The following ZC3H12B variants were observed in gnomAD, a reference collection of about 807,000 sequenced individuals.
ZC3H12B encodes the protein zinc finger CCCH-type containing 12B, also known as probable ribonuclease ZC3H12B.
A neutral mutation model predicts 43.9 loss-of-function variants in ZC3H12B; 7 were observed. The ratio of observed to expected loss-of-function variants is 0.16; its 90% confidence interval spans 0.09 to 0.30. The LOEUF (loss-of-function observed/expected upper bound fraction) is 0.30. Among genes scored for constraint, ZC3H12B ranks in the 10% least tolerant of loss-of-function variants. The pLI is 1.00. For missense variants in ZC3H12B, 475 were observed against 670.2 expected (o/e 0.71, Z 3.22); for synonymous variants, 222 against 241.7 (o/e 0.92, Z 0.76).
chrX:65,387,648 T>A (rs2066547909), intron 2 of ZC3H12B, among the ~76,000 whole-genome samples: 1 of 111,965 alleles, frequency 8.9e-6, no homozygotes, highest in Non-Finnish European at 1.9e-5. Context: ...ACATTTATGG[T>A]TAATATTGTT....
chrX:65,098,101 T>A, the ZC3H12B span, among the ~76,000 whole-genome samples: 1 of 111,235 alleles, frequency 9.0e-6, no homozygotes, highest in Middle Eastern at 4.6e-3. Flanking sequence ...AATGCCTTTC[T>A]TAAACTAACT....
At chrX:65,266,416 C>G in the ZC3H12B span, among the ~76,000 whole-genome samples, 3 of 112,062 alleles carry the variant, frequency 2.7e-5, no homozygotes, top group South Asian at 1.1e-3. Context: ...GGGCTGACAT[C>G]ACTGGAAATA....
intron 2 of ZC3H12B, among the ~76,000 whole-genome samples, chrX:65,379,635 G>A (rs2066406445): frequency 8.9e-6 from 1 of 112,529 alleles, no homozygotes; most frequent in African/African-American, 3.2e-5. Context: ...GAGAGAAGAA[G>A]GCTTCAGATG....
intron 2 of ZC3H12B, among the ~76,000 whole-genome samples, chrX:65,388,508 T>C (rs2066563414): frequency 8.9e-6 from 1 of 112,117 alleles, no homozygotes; most frequent in African/African-American, 3.2e-5. Flanking sequence ...CTTTAAGGAC[T>C]TCTCTGCATT....
chrX:65,283,372 G>A, the ZC3H12B span, among the ~76,000 whole-genome samples: 1 of 111,681 alleles, frequency 9.0e-6, no homozygotes, highest in Non-Finnish European at 1.9e-5. Context: ...TTATCATACT[G>A]AATGGGCAAA....
chrX:65,354,311 AG>A, the ZC3H12B span, among the ~76,000 whole-genome samples: 1 of 112,174 alleles, frequency 8.9e-6, no homozygotes, highest in African/African-American at 3.2e-5. Flanking sequence ...GGTGATACCC[AG>A]GCAAACAGTC....
At chrX:65,360,117 G>A in the ZC3H12B span, among the ~76,000 whole-genome samples, 7 of 112,079 alleles carry the variant, frequency 6.2e-5, no homozygotes, top group Non-Finnish European at 1.3e-4. Context: ...GCATTTTTTA[G>A]ACATAATGCT....
At chrX:65,468,437 G>A (rs1389833379) in intron 3 of ZC3H12B, among the ~76,000 whole-genome samples, 1 of 108,398 alleles carries the variant, frequency 9.2e-6, no homozygotes, top group African/African-American at 3.3e-5. Context: ...GACTATTCGG[G>A]TTTGTTTTTG....
chrX:65,092,943 A>T, the ZC3H12B span, among the ~76,000 whole-genome samples: 126 of 111,914 alleles, frequency 1.1e-3, no homozygotes, highest in African/African-American at 4.0e-3. Context: ...CCTTTGTGGC[A>T]GCCCCTTCCT....
At chrX:65,123,639 A>G in the ZC3H12B span, among the ~76,000 whole-genome samples, 1 of 109,391 alleles carries the variant, frequency 9.1e-6, no homozygotes, top group South Asian at 3.9e-4. Flanking sequence ...TTGTTTTGTC[A>G]TCTATGATTT....
At chrX:65,131,397 A>C in the ZC3H12B span, among the ~76,000 whole-genome samples, 4 of 111,523 alleles carry the variant, frequency 3.6e-5, no homozygotes, top group Non-Finnish European at 7.5e-5. Flanking sequence ...AGTAAGGTTA[A>C]GTTGTTTGGA....
At chrX:65,326,032 A>T in the ZC3H12B span, among the ~76,000 whole-genome samples, 9,248 of 111,595 alleles carry the variant, frequency 0.083, 1,026 homozygotes, top group African/African-American at 0.29. Context: ...CCCTTGTCTG[A>T]CACATTATAA....
intron 3 of ZC3H12B, among the ~76,000 whole-genome samples, chrX:65,482,255 G>T (rs932568058): frequency 1.9e-4 from 21 of 110,474 alleles, no homozygotes; most frequent in Non-Finnish European, 3.8e-4. Context: ...TTTTGACTAA[G>T]GGTCTCGGGA....
chrX:65,382,729 TA>T (rs1336401620), intron 2 of ZC3H12B, among the ~76,000 whole-genome samples: 1 of 111,803 alleles, frequency 8.9e-6, no homozygotes, highest in African/African-American at 3.3e-5. Context: ...AAAATCTCCT[TA>T]AGCTGATAAG....
the ZC3H12B span, among the ~76,000 whole-genome samples, chrX:65,226,269 C>T: frequency 1.5e-3 from 171 of 111,329 alleles, no homozygotes; most frequent in Non-Finnish European, 8.5e-4. Context: ...TCCAGCCAAA[C>T]TAAGCTTCAT....
intron 2 of ZC3H12B, among the ~76,000 whole-genome samples, chrX:65,392,903 A>G: frequency 8.9e-6 from 1 of 112,854 alleles, no homozygotes; most frequent in Non-Finnish European, 1.9e-5. Flanking sequence ...TGTACTAAGA[A>G]AAATTCTTCT....
chrX:65,256,319 CTG>C, the ZC3H12B span, among the ~76,000 whole-genome samples: 1 of 111,950 alleles, frequency 8.9e-6, no homozygotes, highest in African/African-American at 3.2e-5. Flanking sequence ...AAATACAAAA[CTG>C]TAATTATACC....
At chrX:65,249,973 A>G in the ZC3H12B span, among the ~76,000 whole-genome samples, 1 of 110,454 alleles carries the variant, frequency 9.1e-6, no homozygotes, top group South Asian at 3.9e-4. Context: ...GTTCTAGGGT[A>G]CATGTGCACA....
chrX:65,142,776 G>A, the ZC3H12B span, among the ~76,000 whole-genome samples: 37 of 112,353 alleles, frequency 3.3e-4, no homozygotes, highest in Middle Eastern at 4.7e-3. Context: ...CCACTTGGGT[G>A]TTTGTTCACT....
Sources: allele counts gnomAD v4.1 joint callset (sites outside exome capture counted in the v4.1 genomes callset), GRCh38; gene constraint gnomAD v4.1.1; transcripts MANE v1.5; gene names NCBI Gene and HGNC (gene_info 2026-07-23, HGNC 2026-07-21).